TTC33: variants seen among roughly 807,000 people sequenced by gnomAD.
The protein encoded by TTC33 is tetratricopeptide repeat protein 33.
In TTC33, 24 loss-of-function variants were observed where a neutral mutation model predicts 29.4. The ratio of observed to expected loss-of-function variants is 0.82; its 90% CI spans 0.59 to 1.15. TTC33 has a LOEUF of 1.15. Among genes scored for constraint, TTC33 ranks in the 50% most tolerant of loss-of-function variants. The probability of loss-of-function intolerance (pLI) is 0.00; values close to 1 mark genes in which losing one functional copy is unlikely to be tolerated. For synonymous variants in TTC33, 107 were observed against 100.3 expected (o/e 1.07, Z -0.40); for missense variants, 286 against 310.4 (o/e 0.92, Z 0.59).
chr5:40,718,364 C>A (rs897106060), intron 4 of TTC33, among the ~76,000 whole-genome samples: 16 of 151,950 alleles, frequency 1.1e-4, no homozygotes, highest in Non-Finnish European at 5.9e-5. Flanking sequence ...CAAGATGGTG[C>A]CACTGCACTC....
At chr5:40,721,421 G>A (rs1742132459) in intron 4 of TTC33, among the ~76,000 whole-genome samples, 1 of 152,124 alleles carries the variant, frequency 6.6e-6, no homozygotes, top group Admixed American at 6.6e-5. Flanking sequence ...TAGACCAATG[G>A]AACAGAATAG....
At chr5:40,740,497 C>G (rs1262987263) in intron 2 of TTC33, among the ~76,000 whole-genome samples, 1 of 151,928 alleles carries the variant, frequency 6.6e-6, no homozygotes, top group Non-Finnish European at 1.5e-5. Context: ...TCCAGCTGAC[C>G]TCAGCTTCTA....
chr5:40,730,360 T>C lies in TTC33; in HGVS notation c.222-17A>G. On this transcript the variant is annotated splice_polypyrimidine_tract_variant and intron_variant, in intron 2 of 4. Transcript: ENST00000337702. ...TCCCGATATCTGTGGTTGTTAAAGT[T>C]ATATCAATGCCATATTTTCAATATG... 2 of 1,598,412 alleles carry C rather than the reference T, an allele frequency of 1.3e-6. No individual in the cohort carries two copies. Among genetic ancestry groups the C allele is most frequent in the African/African-American group, 1.3e-5 (1 of 74,674 alleles).
chr5:40,719,779 C>T (rs376947951), intron 4 of TTC33, among the ~76,000 whole-genome samples: 35 of 152,210 alleles, frequency 2.3e-4, no homozygotes, highest in African/African-American at 8.2e-4. Flanking sequence ...TTTTCATTTC[C>T]TTGACAAGTA....
intron 1 of TTC33, among the ~76,000 whole-genome samples, chr5:40,752,775 A>G (rs911483363): frequency 5.3e-5 from 8 of 152,252 alleles, no homozygotes; most frequent in African/African-American, 1.9e-4. Flanking sequence ...GCACAGAGAC[A>G]CTAAGTGCAC....
chr5:40,726,462 CT>C (rs913016790), intron 4 of TTC33, among the ~76,000 whole-genome samples: 45 of 146,406 alleles, frequency 3.1e-4, no homozygotes, highest in East Asian at 3.9e-4. Flanking sequence ...TTTGAGTCAT[CT>C]TTTTTTTTTA....
chr5:40,750,085 C>T (rs886098955), intron 1 of TTC33, among the ~76,000 whole-genome samples: 19 of 75,594 alleles, frequency 2.5e-4, no homozygotes, highest in African/African-American at 1.0e-3. Context: ...GAAACTCCAT[C>T]TCAAAAAAAA....
At position 40,746,781 on chromosome 5, in the gene TTC33, A is replaced by C. The variant is rs1365043777; in HGVS notation, c.221+17T>G. On this transcript the variant is annotated intron_variant, in intron 2 of 4. Coordinates refer to ENST00000337702, the MANE Select transcript of TTC33 (RefSeq NM_012382.3). ...ATGTAAGCTCTTCTCCATAAAAAAA[A>C]AACTTTAAATACATACCTTTTATTT... The C allele has an allele frequency of 6.3e-7, 1 of 1,586,002 alleles. No individual in the cohort carries two copies. The highest frequency in any genetic ancestry group is 1.2e-5 in the South Asian group (1 of 86,078).
chr5:40,732,809 T>C (rs558218141), intron 2 of TTC33, among the ~76,000 whole-genome samples: 3 of 152,252 alleles, frequency 2.0e-5, no homozygotes, highest in Non-Finnish European at 4.4e-5. Context: ...GGTTTCACCA[T>C]GTTGGCCAGG....
At chr5:40,741,799 G>C (rs1343549144) in intron 2 of TTC33, among the ~76,000 whole-genome samples, 4 of 152,078 alleles carry the variant, frequency 2.6e-5, no homozygotes, top group Non-Finnish European at 5.9e-5. Context: ...GACCAGCCTG[G>C]CCAATATGGT....
In TTC33 at chr5:40,716,624, G is replaced by A. The variant is rs1742006844; in HGVS notation, c.436-126C>T. On this transcript the variant is annotated intron_variant, in intron 4 of 4. Coordinates refer to ENST00000337702, the MANE Select transcript of TTC33 (RefSeq NM_012382.3). Reference sequence around the variant, plus strand: ...CCTAATGCATTATCTTAATGTACTAGAACACAAAAGATGGAAGCTACGGTG... The same window carrying A: ...CCTAATGCATTATCTTAATGTACTAAAACACAAAAGATGGAAGCTACGGTG... The A allele has an allele frequency of 4.7e-6, 3 of 634,680 alleles. No homozygotes were observed. The African/African-American group carries it at 5.5e-5, about 12-fold the overall frequency. 39.3% of individuals were successfully genotyped at this position (634,680 alleles called of 1,614,324 possible). A position where few individuals can be genotyped will look rare whatever the true frequency, so the allele number is the denominator to read the frequency against.
chr5:40,714,837 T>C lies in TTC33; in HGVS notation c.*1308A>G, dbSNP rs1741967449. 6.6e-6 allele frequency: 1 copy of C among 152,256 alleles called. No individual in the cohort carries two copies. Among genetic ancestry groups the C allele is most frequent in the Admixed American group, 6.5e-5 (1 of 15,272 alleles). The allele number at this position is 152,256 out of a possible 1,614,324, so 9.4% of individuals were successfully genotyped here. On this transcript the variant is annotated 3_prime_UTR_variant, in exon 5 of 5. Transcript: ENST00000337702. ...TCCAACAGTAGTAAGATCTTTAACA[T>C]AAAGTGGGCTACTTTCATCTCTAAC...
chr5:40,722,129 C>T (rs559362601), intron 4 of TTC33, among the ~76,000 whole-genome samples: 12 of 152,026 alleles, frequency 7.9e-5, no homozygotes, highest in East Asian at 3.9e-4. Flanking sequence ...CGCTTAAACC[C>T]GGGAGGCGGA....
intron 2 of TTC33, among the ~76,000 whole-genome samples, chr5:40,737,085 C>T (rs1237230568): frequency 1.3e-5 from 2 of 152,068 alleles, no homozygotes; most frequent in African/African-American, 4.8e-5. Flanking sequence ...CGCCTGAGCC[C>T]AGGAGTTCAA....
intron 1 of TTC33, among the ~76,000 whole-genome samples, chr5:40,751,067 T>C (rs918637542): frequency 1.3e-5 from 2 of 152,242 alleles, no homozygotes; most frequent in Non-Finnish European, 2.9e-5. Context: ...GAATCACAAA[T>C]ATTCCTAATG....
chr5:40,748,603 A>G (rs1280226698), intron 1 of TTC33, among the ~76,000 whole-genome samples: 1 of 152,208 alleles, frequency 6.6e-6, no homozygotes, highest in Non-Finnish European at 1.5e-5. Context: ...ATAAAATTAT[A>G]AGACATCTAG....
At chr5:40,739,936 CT>C in intron 2 of TTC33, among the ~76,000 whole-genome samples, 1 of 151,890 alleles carries the variant, frequency 6.6e-6, no homozygotes, top group East Asian at 1.9e-4. Flanking sequence ...ACAAATGGTG[CT>C]TTTTTTTAAA....
At chr5:40,728,673 A>G (rs1742354299) in intron 3 of TTC33, among the ~76,000 whole-genome samples, 197 bp from the exon 4 acceptor site, 1 of 152,186 alleles carries the variant, frequency 6.6e-6, no homozygotes, top group Non-Finnish European at 1.5e-5. Flanking sequence ...ATGAAAATGT[A>G]AACGATTCCC....
chr5:40,730,315 C>T lies in TTC33; in HGVS notation c.250G>A (p.Glu84Lys). The T allele has an allele frequency of 6.2e-7, 1 of 1,612,600 alleles. No individual in the cohort carries two copies. ...RYREAIQKWD[E>K]ALQLTPNDAT... The stretch of plus-strand genomic sequence containing the variant: ...TCATTTGGAGTTAACTGTAGTGCTT[C>T]ATCCCACTTCTGAATTGCCTCCCGA... Residue 84 changes from glutamate to lysine, a missense_variant, in exon 3 of 5, where the codon GAA becomes AAA. Coordinates refer to ENST00000337702, the MANE Select transcript of TTC33 (RefSeq NM_012382.3).
Sources: gnomAD v4.1 joint callset for allele counts (sites outside exome capture counted in the v4.1 genomes callset) on GRCh38, gnomAD v4.1.1 for gene constraint, MANE v1.5 for transcripts, NCBI Gene and HGNC (gene_info 2026-07-23, HGNC 2026-07-21) for gene names.